The following MYLK variants were observed in gnomAD, a reference collection of about 807,000 sequenced individuals.
The protein encoded by MYLK is myosin light chain kinase, also known as myosin light chain kinase, smooth muscle.
Under a neutral mutation model 203.4 loss-of-function variants are expected in MYLK, and 106 were observed. That is an observed-to-expected ratio of 0.52 (90% CI 0.45 to 0.61). MYLK has a LOEUF of 0.61. MYLK is among the 20% of genes least tolerant of loss of function. MYLK has a pLI of 0.00. For missense variants in MYLK, 2,072 were observed against 2,442.3 expected (o/e 0.85, Z 3.20); for synonymous variants, 867 against 959.5 (o/e 0.90, Z 1.78).
At chr3:123,679,314 A>C (rs2060181648) in intron 20 of MYLK, among the ~76,000 whole-genome samples, 1 of 151,684 alleles carries the variant, frequency 6.6e-6, no homozygotes, top group Admixed American at 6.6e-5. Context: ...TCAAAAAAAA[A>C]AAAAAAAACA....
In MYLK at chr3:123,758,662, G is replaced by C. The variant is rs75444752; in HGVS notation, c.166-6124C>G. On this transcript the variant is annotated intron_variant, in intron 4 of 33. Coordinates refer to ENST00000360304, the MANE Select transcript of MYLK (RefSeq NM_053025.4). Reference sequence around the variant, plus strand: ...GCAAGTTATAGCTCCGTAGCTGGGGGTTACAATTCAAGCCCTTCTGGACCG... The same window carrying C: ...GCAAGTTATAGCTCCGTAGCTGGGGCTTACAATTCAAGCCCTTCTGGACCG... Among the ~76,000 whole-genome samples the C allele has an allele frequency of 8.1e-3, 1,240 of 152,198 alleles. 9 individuals are homozygous for C. The highest frequency in any genetic ancestry group is 0.012 in the Non-Finnish European group (801 of 68,006).
intron 3 of MYLK, among the ~76,000 whole-genome samples, chr3:123,799,210 T>C (rs2065106043): frequency 6.6e-6 from 1 of 150,426 alleles, no homozygotes; most frequent in Non-Finnish European, 1.5e-5. Context: ...CCCTGATGCT[T>C]GGGCCAACGC....
chr3:123,621,594 G>A (rs1292140053), intron 31 of MYLK: 2 of 152,220 alleles, frequency 1.3e-5, no homozygotes, highest in South Asian at 2.1e-4. Context: ...TAACTTCTGG[G>A]TGCTAAGGAA....
Position 123,730,430 on chromosome 3 carries a change from T to C in MYLK, c.1516+2466A>G, listed in dbSNP as rs901207061. On this transcript the variant is annotated intron_variant, in intron 11 of 33. Transcript: ENST00000360304. ...TAAACATCAAAATTGAAAACAGGTA[T>C]TGAAAACAACTCATACATAAATGTG... Among the ~76,000 whole-genome samples, 4 of 152,188 alleles carry C rather than the reference T, an allele frequency of 2.6e-5. 1 individual carries two copies. The highest frequency in any genetic ancestry group is 9.7e-5 in the African/African-American group (4 of 41,442).
intron 3 of MYLK, among the ~76,000 whole-genome samples, chr3:123,812,813 G>A (rs1317244505): frequency 1.3e-5 from 2 of 152,210 alleles, no homozygotes; most frequent in Non-Finnish European, 2.9e-5. Context: ...GAGATACTTT[G>A]TGAAGGTCTT....
intron 16 of MYLK, among the ~76,000 whole-genome samples, chr3:123,702,852 G>C (rs553588414): frequency 6.6e-6 from 1 of 152,290 alleles, no homozygotes; most frequent in Admixed American, 6.5e-5. Flanking sequence ...GAAGGTCAAG[G>C]TTAAGTAATT....
In MYLK at chr3:123,637,922, G is replaced by T. The variant is rs556955561; in HGVS notation, c.4961+149C>A. 220 of 1,177,742 alleles carry T rather than the reference G, an allele frequency of 1.9e-4. 2 individuals are homozygous for T. In the African/African-American group the frequency reaches 3.2e-3, roughly 17 times the overall value. 73.0% of individuals were successfully genotyped at this position (1,177,742 alleles called of 1,614,324 possible). A position where few individuals can be genotyped will look rare whatever the true frequency, so the allele number is the denominator to read the frequency against. Reference sequence around the variant, plus strand: ...GAGCAGGGTGGGCTGCCAGGGATAGGAGGGGAGCCTGCCACCCTCCTGACT... The same window carrying T: ...GAGCAGGGTGGGCTGCCAGGGATAGTAGGGGAGCCTGCCACCCTCCTGACT... On this transcript the variant is annotated intron_variant, in intron 29 of 33. Transcript: ENST00000360304.
intron 18 of MYLK, among the ~76,000 whole-genome samples, chr3:123,699,181 C>T (rs751505666): frequency 6.6e-6 from 1 of 151,908 alleles, no homozygotes; most frequent in Admixed American, 6.5e-5. Context: ...GAGCTCCCAC[C>T]CAGACTTGGG....
At chr3:123,674,972 G>A (rs2060027181) in intron 20 of MYLK, among the ~76,000 whole-genome samples, 1 of 152,258 alleles carries the variant, frequency 6.6e-6, no homozygotes, top group African/African-American at 2.4e-5. Context: ...TGTATCTGCA[G>A]TGCCTAGCAT....
intron 3 of MYLK, among the ~76,000 whole-genome samples, chr3:123,825,439 G>T (rs922159420): frequency 6.6e-6 from 1 of 152,124 alleles, no homozygotes. Context: ...GATCCCCACC[G>T]GTCCCCACTG....
At chr3:123,622,785 G>C (rs1272644827) in intron 31 of MYLK, 1 of 152,212 alleles carries the variant, frequency 6.6e-6, no homozygotes, top group East Asian at 1.9e-4. Context: ...GAATATATCA[G>C]TATGTTCTAG....
rs1397037350 is a variant in MYLK, at chr3:123,682,438, C to T, written c.3566-128G>A. The T allele has an allele frequency of 7.9e-6, 6 of 756,550 alleles. No homozygotes were observed. The East Asian group carries it at 1.6e-4, about 20-fold the overall frequency. 46.9% of individuals were successfully genotyped at this position (756,550 alleles called of 1,614,324 possible). A position where few individuals can be genotyped will look rare whatever the true frequency, so the allele number is the denominator to read the frequency against. The stretch of plus-strand genomic sequence containing the variant: ...CTGAGGGCCCTTTGTGCCCGCTGGG[C>T]AGAACAGCGCCTGTGTCCAGGCAAC... On this transcript the variant is annotated intron_variant, in intron 19 of 33. Transcript: ENST00000360304.
In MYLK at chr3:123,649,148, G is replaced by A; in HGVS notation, c.4321+14C>T. 6.2e-7 allele frequency: 1 copy of A among 1,613,766 alleles called. No homozygotes were observed. Among genetic ancestry groups the A allele is most frequent in the Non-Finnish European group, 8.5e-7 (1 of 1,180,006 alleles). ...ACCCCAAGAGCCTGACCCGAAGACA[G>A]GGGCTGCACTCACCATCATCTGACA... On this transcript the variant is annotated intron_variant, in intron 25 of 33. Coordinates refer to ENST00000360304, the MANE Select transcript of MYLK (RefSeq NM_053025.4).
rs1005550965 is a variant in MYLK at position 123,844,931 on chromosome 3, T to C, written c.-126-13261A>G. On this transcript the variant is annotated intron_variant, in intron 2 of 33. Transcript: ENST00000360304. ...ATCATAGTGCACTGTAGCCTTGAAC[T>C]CCTGGCCTCAAGCAATCCTCCTGCC... 2.7e-5 allele frequency among the ~76,000 whole-genome samples: 4 copies of C among 148,704 alleles called. No homozygotes were observed. In the Admixed American group the frequency reaches 2.7e-4, roughly 10 times the overall value.
intron 19 of MYLK, among the ~76,000 whole-genome samples, chr3:123,686,370 GT>G (rs57730652): frequency 1.1e-4 from 16 of 147,804 alleles, no homozygotes; most frequent in South Asian, 2.1e-4. Flanking sequence ...TCTGGGCAGC[GT>G]TTTTTTTTTT....
intron 5 of MYLK, among the ~76,000 whole-genome samples, chr3:123,749,114 C>T (rs1322647864): frequency 6.7e-6 from 1 of 149,944 alleles, no homozygotes; most frequent in African/African-American, 2.5e-5. Context: ...TACATACATA[C>T]ATACAAATAC....
intron 19 of MYLK, among the ~76,000 whole-genome samples, chr3:123,689,346 C>T (rs1055742757): frequency 1.3e-5 from 2 of 152,146 alleles, no homozygotes; most frequent in South Asian, 2.1e-4. Flanking sequence ...CTGAGTCCCA[C>T]GTGCAGAAGG....
intron 5 of MYLK, among the ~76,000 whole-genome samples, chr3:123,750,956 T>C (rs1441837681): frequency 6.6e-6 from 1 of 152,224 alleles, no homozygotes; most frequent in Non-Finnish European, 1.5e-5. Flanking sequence ...AAACAGCCTG[T>C]TGGCCCTTCT....
intron 3 of MYLK, among the ~76,000 whole-genome samples, chr3:123,800,481 T>C (rs1392737046): frequency 6.6e-6 from 1 of 152,118 alleles, no homozygotes; most frequent in East Asian, 1.9e-4. Context: ...TCCTGTGCTG[T>C]GTTTCTCATA....
Sources: allele counts gnomAD v4.1 joint callset (sites outside exome capture counted in the v4.1 genomes callset), GRCh38; gene constraint gnomAD v4.1.1; transcripts MANE v1.5; gene names NCBI Gene and HGNC (gene_info 2026-07-23, HGNC 2026-07-21).